Variants in CHRD observed in about 807,000 individuals in gnomAD.
CHRD encodes chordin.
Under a neutral mutation model 113.7 loss-of-function variants are expected in CHRD, and 69 were observed. The ratio of observed to expected loss-of-function variants is 0.61; its 90% CI spans 0.50 to 0.74. The LOEUF (loss-of-function observed/expected upper bound fraction) is 0.74, where lower values mean the gene tolerates loss of function less well. CHRD is among the 30% of genes least tolerant of loss of function. The probability of loss-of-function intolerance (pLI) is 0.00; values close to 1 mark genes in which losing one functional copy is unlikely to be tolerated. For missense variants in CHRD, 1,194 were observed against 1,295.8 expected, an observed-to-expected ratio of 0.92 and a Z score of 1.21; for synonymous variants, 561 against 540.8, an observed-to-expected ratio of 1.04 and a Z score of -0.52.
rs1715949075 is a variant in CHRD at position 184,384,324 on chromosome 3, T to C, written c.1441-213T>C. The stretch of plus-strand genomic sequence containing the variant: ...AGTATCCATTTGAGAGATGAGGAAG[T>C]GAAGACTTGGAGAAGTTAAGTTACT... On this transcript the variant is annotated intron_variant, in intron 12 of 22. Transcript: ENST00000204604. The surrounding 1 kb of genome is among the most constrained non-coding windows in gnomAD (Gnocchi z 4.4). 6.6e-6 allele frequency among the ~76,000 whole-genome samples: 1 copy of C among 152,200 alleles called. No homozygotes were observed. The highest frequency in any genetic ancestry group is 1.5e-5 in the Non-Finnish European group (1 of 68,036).
chr3:184,386,867 C>G (rs768399856), exon 17 of CHRD: 1 of 1,614,050 alleles, frequency 6.2e-7, no homozygotes, highest in Admixed American at 1.7e-5. Context: ...ATCTGTGACC[C>G]GGTGGTGTGC....
chr3:184,382,320 C>G, intron 6 of CHRD, 69 bp from the exon 7 acceptor site: 1 of 1,596,278 alleles, frequency 6.3e-7, no homozygotes, highest in Non-Finnish European at 8.6e-7. Context: ...ATAAGCCCTG[C>G]CTGGGCATCC....
intron 14 of CHRD, 95 bp from the exon 15 acceptor site, chr3:184,385,951 C>A (rs1335367698): frequency 6.9e-6 from 9 of 1,297,824 alleles, no homozygotes; most frequent in Admixed American, 1.8e-5. Context: ...CTTTATTTAA[C>A]CTCCCTGGCT....
rs984983284 is a variant in CHRD at position 184,387,812 on chromosome 3, C to T, written c.2452-119C>T. On this transcript the variant is annotated intron_variant, in intron 19 of 22. Coordinates refer to ENST00000204604, the Ensembl canonical transcript of CHRD. The surrounding 1 kb of genome is among the most constrained non-coding windows in gnomAD (Gnocchi z 6.1). Reference sequence around the variant, plus strand: ...TGAGTTTAGGTCTATAAAGCCAGTCCGGGCCTCTGAGTAAAAGGCCACAGA... The same window carrying T: ...TGAGTTTAGGTCTATAAAGCCAGTCTGGGCCTCTGAGTAAAAGGCCACAGA... 15 of 911,500 alleles carry T rather than the reference C, an allele frequency of 1.6e-5. No homozygotes were observed. Among genetic ancestry groups the T allele is most frequent in the South Asian group, 1.4e-4 (9 of 65,504 alleles). The allele number at this position is 911,500 out of a possible 1,614,324, so 56.5% of individuals were successfully genotyped here. A position where few individuals can be genotyped will look rare whatever the true frequency, so the allele number is the denominator to read the frequency against.
At position 184,387,260 on chromosome 3, in the gene CHRD, C is replaced by G; in HGVS notation, c.2348-114C>G. 1 of 1,340,922 alleles carries G rather than the reference C, an allele frequency of 7.5e-7. No individual in the cohort carries two copies. Among genetic ancestry groups the G allele is most frequent in the Non-Finnish European group, 1.0e-6 (1 of 964,650 alleles). The allele number at this position is 1,340,922 out of a possible 1,614,324, so 83.1% of individuals were successfully genotyped here. A position where few individuals can be genotyped will look rare whatever the true frequency, so the allele number is the denominator to read the frequency against. On this transcript the variant is annotated intron_variant, in intron 18 of 22. Coordinates refer to ENST00000204604, the Ensembl canonical transcript of CHRD. This position sits in a 1 kb window ranked among gnomAD's most constrained non-coding sequence, Gnocchi z 6.1. ...ACAGGACTCATTAGTGTTACTGGCC[C>G]CCAGGTGGGCCCTTGGCTTAGGCTC... is the stretch of plus-strand genomic sequence containing the variant.
In CHRD at chr3:184,387,276, G is replaced by T; in HGVS notation, c.2348-98G>T. On this transcript the variant is annotated intron_variant, in intron 18 of 22. Coordinates refer to ENST00000204604, the Ensembl canonical transcript of CHRD. The surrounding 1 kb of genome is among the most constrained non-coding windows in gnomAD (Gnocchi z 6.1). Reference sequence around the variant, plus strand: ...TTACTGGCCCCCAGGTGGGCCCTTGGCTTAGGCTCGTGTGGGGGTGGCCTG... The same window carrying T: ...TTACTGGCCCCCAGGTGGGCCCTTGTCTTAGGCTCGTGTGGGGGTGGCCTG... The T allele has an allele frequency of 6.9e-7, 1 of 1,439,582 alleles. No homozygotes were observed. The highest frequency in any genetic ancestry group is 1.3e-5 in the South Asian group (1 of 78,036). 89.2% of individuals were successfully genotyped at this position (1,439,582 alleles called of 1,614,324 possible). A position where few individuals can be genotyped will look rare whatever the true frequency, so the allele number is the denominator to read the frequency against.
chr3:184,390,177 C>T (rs535106244), downstream of CHRD: 1 of 146,328 alleles, frequency 6.8e-6, no homozygotes, highest in East Asian at 2.3e-4. Context: ...TCCTTCCCTT[C>T]CCTTCCCTTT....
chr3:184,386,427 CAGCTGCCGCTGGTAAAGACGCGAGGGGG>C (rs1716288935), intron 15 of CHRD, 37 bp from the exon 16 acceptor site: 1 of 1,520,656 alleles, frequency 6.6e-7, no homozygotes. Flanking sequence ...GCTGGCTGGC[CAGCTGCCGCTGGTAAAGACGCGAGGGGG>C]AGCCCCAGCG....
intron 14 of CHRD, 45 bp from the exon 15 acceptor site, chr3:184,386,001 G>T: frequency 6.3e-7 from 1 of 1,592,846 alleles, no homozygotes; most frequent in Non-Finnish European, 8.6e-7. Context: ...AGTAGGCTCA[G>T]CCCTAAAGTG....
rs772428292 is a variant in CHRD, at chr3:184,386,171, G to A, written c.1932+12G>A. The stretch of plus-strand genomic sequence containing the variant: ...AGCTCCGAGGGCAGGTAGGTGGCGA[G>A]TGTGGGCAGTGGGGGCAGTGGGGAG... On this transcript the variant is annotated intron_variant, in intron 15 of 22. Coordinates refer to ENST00000204604, the Ensembl canonical transcript of CHRD. 1 of 1,612,810 alleles carries A rather than the reference G, an allele frequency of 6.2e-7. No individual in the cohort carries two copies. Among genetic ancestry groups the A allele is most frequent in the African/African-American group, 1.3e-5 (1 of 74,904 alleles).
exon 23 of CHRD, chr3:184,389,577 G>C: frequency 1.5e-6 from 1 of 664,102 alleles, no homozygotes; most frequent in East Asian, 2.8e-5. Context: ...GGGAACCACA[G>C]CTCCACAAGG....
rs769821756 is a variant in CHRD at position 184,383,399 on chromosome 3, A to G, written c.1301A>G (p.Asn434Ser). The stretch of plus-strand genomic sequence containing the variant: ...TCAGCCAGCCTCACGCTGCTAGGAA[A>G]TGGCTCCCTGATCTATCAGGTAAGA... The change falls in exon 11 of 23, where the codon AAT (asparagine) becomes AGT (serine). Residue 434 changes from asparagine to serine, a missense_variant. Physicochemically the swap from Asn to Ser is conservative, Grantham distance 46. Transcript: ENST00000204604. 3 of 1,613,980 alleles carry G rather than the reference A, an allele frequency of 1.9e-6. No individual in the cohort carries two copies. The South Asian group carries it at 3.3e-5, about 18-fold the overall frequency.
In CHRD at chr3:184,388,144, G is replaced by GTATAA; in HGVS notation, c.2554+112_2554+113insATAAT. On this transcript the variant is annotated intron_variant, in intron 20 of 22. Coordinates refer to ENST00000204604, the Ensembl canonical transcript of CHRD. The surrounding 1 kb of genome is among the most constrained non-coding windows in gnomAD (Gnocchi z 6.1). The stretch of plus-strand genomic sequence containing the variant: ...TGAGCATTATACTGAGCACTGCTCT[G>GTATAA]TGCCTAGCCTGGAGCCAGGACTCTA... The GTATAA allele has an allele frequency of 1.1e-6, 1 of 913,382 alleles. No homozygotes were observed. The highest frequency in any genetic ancestry group is 1.7e-6 in the Non-Finnish European group (1 of 573,664). 56.6% of individuals were successfully genotyped at this position (913,382 alleles called of 1,614,324 possible).
rs1716225618 is a variant in CHRD at position 184,386,054 on chromosome 3, T to A, written c.1827T>A (p.Gly609=). ...GTCCTGTCTATGTGCAGGCCCAGGGTGTGGTGAAGGACCTGGAGCCGGAAC... is the reference window on the plus strand; with the variant it reads ...GTCCTGTCTATGTGCAGGCCCAGGGAGTGGTGAAGGACCTGGAGCCGGAAC... Residue 609 remains glycine, a synonymous_variant, in exon 15 of 23, where the codon GGT becomes GGA. Coordinates refer to ENST00000204604, the Ensembl canonical transcript of CHRD. 1.9e-6 allele frequency: 3 copies of A among 1,613,900 alleles called. No individual in the cohort carries two copies. The African/African-American group carries it at 4.0e-5, about 22-fold the overall frequency.
chr3:184,385,033 T>C lies in CHRD; in HGVS notation c.1613T>C (p.Leu538Pro), dbSNP rs771761101. 3 of 1,613,918 alleles carry C rather than the reference T, an allele frequency of 1.9e-6. No individual in the cohort carries two copies. The South Asian group carries it at 3.3e-5, about 18-fold the overall frequency. ...CTGGACCCAGCGCTGCCCGTGCCCCTAGCAGGAGCCCTGGTGCTACCCCCT... is the reference window on the plus strand; with the variant it reads ...CTGGACCCAGCGCTGCCCGTGCCCCCAGCAGGAGCCCTGGTGCTACCCCCT... Residue 538 changes from leucine (L) to proline (P), a missense_variant, in exon 14 of 23, where the codon CTA becomes CCA. Coordinates refer to ENST00000204604, the Ensembl canonical transcript of CHRD.
At position 184,387,939 on chromosome 3, in the gene CHRD, T is replaced by G; in HGVS notation, c.2460T>G (p.Thr820=). 1 of 1,612,140 alleles carries G rather than the reference T, an allele frequency of 6.2e-7. No homozygotes were observed. Among genetic ancestry groups the G allele is most frequent in the Non-Finnish European group, 8.5e-7 (1 of 1,179,482 alleles). The change falls in exon 20 of 23, where the codon ACT becomes ACG. Residue 820 remains threonine (T), a synonymous_variant. Coordinates refer to ENST00000204604, the Ensembl canonical transcript of CHRD. This position sits in a 1 kb window ranked among gnomAD's most constrained non-coding sequence, Gnocchi z 6.1. The stretch of plus-strand genomic sequence containing the variant: ...TCAATGGATCCCTACAGGGGGGCAC[T>G]GGAGAGGTGCACTGTGAGAAGGTGC...
Position 184,381,157 on chromosome 3 carries a change from C to T in CHRD, c.253-78C>T. 1 of 1,542,062 alleles carries T rather than the reference C, an allele frequency of 6.5e-7. No individual in the cohort carries two copies. The highest frequency in any genetic ancestry group is 8.9e-7 in the Non-Finnish European group (1 of 1,119,350). On this transcript the variant is annotated intron_variant, in intron 2 of 22. Coordinates refer to ENST00000204604, the Ensembl canonical transcript of CHRD. This position sits in a 1 kb window ranked among gnomAD's most constrained non-coding sequence, Gnocchi z 4.7. Reference sequence around the variant, plus strand: ...TAAGTGGCAGAGCTGGCTGACTCTGCGGGACATCCTTGCCTGGGGGGGTCT... The same window carrying T: ...TAAGTGGCAGAGCTGGCTGACTCTGTGGGACATCCTTGCCTGGGGGGGTCT...
exon 12 of CHRD, chr3:184,383,574 A>C (rs1456314749): frequency 6.2e-7 from 1 of 1,614,140 alleles, no homozygotes; most frequent in Non-Finnish European, 8.5e-7. Context: ...ACTGGAGACC[A>C]AGCCTCAGCG....
Position 184,381,850 on chromosome 3 carries a change from G to GC in CHRD, c.611+37dup. The GC allele has an allele frequency of 6.2e-7, 1 of 1,611,154 alleles. No homozygotes were observed. Among genetic ancestry groups the GC allele is most frequent in the Non-Finnish European group, 8.5e-7 (1 of 1,178,548 alleles). ...GGGAAGGAGCAAGGAGGGGTCAGCT[G>GC]CCGGGGCCCGGGAGGGAAACTGGGA... is the stretch of plus-strand genomic sequence containing the variant. On this transcript the variant is annotated intron_variant, in intron 5 of 22. Coordinates refer to ENST00000204604, the Ensembl canonical transcript of CHRD. This position sits in a 1 kb window ranked among gnomAD's most constrained non-coding sequence, Gnocchi z 4.7.
Sources: gnomAD v4.1 joint callset for allele counts (sites outside exome capture counted in the v4.1 genomes callset) on GRCh38, gnomAD v4.1.1 for gene constraint, Gnocchi (gnomAD v3.1) non-coding constraint, MANE v1.5 for transcripts, NCBI Gene and HGNC (gene_info 2026-07-23, HGNC 2026-07-21) for gene names.